CNTN1: variants seen among roughly 807,000 people sequenced by gnomAD.
The protein encoded by CNTN1 is contactin 1, also known as contactin-1.
A neutral mutation model predicts 126.4 loss-of-function variants in CNTN1; 38 were observed. The observed-to-expected ratio is 0.30, with a 90% CI of 0.23 to 0.39. The LOEUF is 0.39. Among genes scored for constraint, CNTN1 ranks in the 10% least tolerant of loss-of-function variants. CNTN1 has a pLI of 1.00. For missense variants in CNTN1, 1,009 were observed against 1,248.4 expected (o/e 0.81, Z 2.89); for synonymous variants, 413 against 422.6 (o/e 0.98, Z 0.28).
chr12:40,909,367 C>T (rs1013250570), intron 2 of CNTN1, among the ~76,000 whole-genome samples: 1 of 151,846 alleles, frequency 6.6e-6, no homozygotes, highest in Non-Finnish European at 1.5e-5. Context: ...ACTTATTGAG[C>T]TAGGTCATTA....
intron 15 of CNTN1, chr12:40,979,370 T>C (rs1336247446): frequency 6.6e-6 from 1 of 152,084 alleles, no homozygotes; most frequent in African/African-American, 2.4e-5. Context: ...GCCATACCTC[T>C]GCAAATACCA....
chr12:40,922,677 A>C, intron 5 of CNTN1, among the ~76,000 whole-genome samples: 1 of 152,120 alleles, frequency 6.6e-6, no homozygotes. Flanking sequence ...ATGACTCTTT[A>C]AAAGTTAGCA....
intron 17 of CNTN1, among the ~76,000 whole-genome samples, chr12:40,994,764 C>T (rs1445197838): frequency 6.6e-6 from 1 of 151,822 alleles, no homozygotes; most frequent in Non-Finnish European, 1.5e-5. Context: ...GATATGCTAA[C>T]ACAAAAAATT....
chr12:41,065,206 C>A (rs375438351), intron 23 of CNTN1, among the ~76,000 whole-genome samples: 6 of 152,294 alleles, frequency 3.9e-5, no homozygotes, highest in East Asian at 1.9e-4. Context: ...TAGGTGCCTG[C>A]CACCAAGCCC....
intron 1 of CNTN1, among the ~76,000 whole-genome samples, chr12:40,873,248 A>G (rs1354660833): frequency 1.3e-5 from 2 of 152,220 alleles, no homozygotes; most frequent in African/African-American, 2.4e-5. Context: ...TTTTACACAC[A>G]AATTGCAAGA....
At chr12:40,755,899 A>G (rs533895937) in intron 1 of CNTN1, among the ~76,000 whole-genome samples, 2 of 152,264 alleles carry the variant, frequency 1.3e-5, no homozygotes, top group East Asian at 3.9e-4. Flanking sequence ...AGAAGAGTTA[A>G]GTTTGAAATA....
chr12:40,809,389 G>T (rs1201445524), intron 1 of CNTN1, among the ~76,000 whole-genome samples: 1 of 152,118 alleles, frequency 6.6e-6, no homozygotes, highest in African/African-American at 2.4e-5. Context: ...TTCTCTGGGG[G>T]TTAGTTTGGG....
At chr12:41,007,342 G>A (rs1341231305) in intron 17 of CNTN1, among the ~76,000 whole-genome samples, 1 of 152,114 alleles carries the variant, frequency 6.6e-6, no homozygotes, top group Non-Finnish European at 1.5e-5. Flanking sequence ...TTACAGGCGT[G>A]AGCCACCGCG....
At chr12:41,041,227 G>T (rs1949397255) in intron 23 of CNTN1, among the ~76,000 whole-genome samples, 1 of 152,006 alleles carries the variant, frequency 6.6e-6, no homozygotes, top group African/African-American at 2.4e-5. Context: ...TTACTGATTT[G>T]CATATATTGA....
At chr12:40,867,677 A>C (rs1229016671) in intron 1 of CNTN1, among the ~76,000 whole-genome samples, 1 of 152,050 alleles carries the variant, frequency 6.6e-6, no homozygotes, top group Non-Finnish European at 1.5e-5. Flanking sequence ...AGGACAGATA[A>C]TTTTTGAAGT....
chr12:41,045,578 T>C (rs568210612), intron 23 of CNTN1, among the ~76,000 whole-genome samples: 2 of 152,262 alleles, frequency 1.3e-5, no homozygotes, highest in African/African-American at 4.8e-5. Flanking sequence ...GAAAGTGATA[T>C]GTCAACATAT....
chr12:40,888,309 C>T lies in CNTN1; in HGVS notation c.-76-20048C>T, dbSNP rs1404632798. 3.3e-5 allele frequency among the ~76,000 whole-genome samples: 5 copies of T among 152,192 alleles called. No homozygotes were observed. The East Asian group carries it at 9.6e-4, about 29-fold the overall frequency. ...TCAAAATAACTGTGATAGTGTTACC[C>T]ATTTCCTTATACGTGTACTTTATAT... On this transcript the variant is annotated intron_variant, in intron 1 of 23. Coordinates refer to ENST00000551295, the MANE Select transcript of CNTN1 (RefSeq NM_001843.4).
intron 1 of CNTN1, among the ~76,000 whole-genome samples, chr12:40,794,585 A>G (rs1940341001): frequency 6.6e-6 from 1 of 152,092 alleles, no homozygotes; most frequent in Non-Finnish European, 1.5e-5. Context: ...ATTAAACATT[A>G]TGGGGTTTTC....
At chr12:40,875,679 G>T (rs1356427865) in intron 1 of CNTN1, among the ~76,000 whole-genome samples, 2 of 151,980 alleles carry the variant, frequency 1.3e-5, no homozygotes, top group Admixed American at 6.6e-5. Context: ...CTAGGTTGTT[G>T]CATGTATAAA....
chr12:40,787,205 A>G (rs985817677), intron 1 of CNTN1, among the ~76,000 whole-genome samples: 9 of 152,112 alleles, frequency 5.9e-5, no homozygotes, highest in Non-Finnish European at 1.0e-4. Flanking sequence ...AAAAACCTTT[A>G]TCTTTATAAC....
intron 17 of CNTN1, among the ~76,000 whole-genome samples, chr12:41,010,510 G>A (rs1209712674): frequency 1.3e-5 from 2 of 152,012 alleles, no homozygotes; most frequent in African/African-American, 4.8e-5. Flanking sequence ...CCTCCTCCTG[G>A]TCCCTATTAT....
At chr12:40,846,421 T>C (rs1057450934) in intron 1 of CNTN1, among the ~76,000 whole-genome samples, 2 of 152,192 alleles carry the variant, frequency 1.3e-5, no homozygotes. Flanking sequence ...TGAGCCGAGA[T>C]TGCGCCACTG....
chr12:40,910,797 A>T (rs903003182), intron 3 of CNTN1, among the ~76,000 whole-genome samples: 2 of 152,254 alleles, frequency 1.3e-5, no homozygotes, highest in African/African-American at 4.8e-5. Context: ...AACTTCTAGC[A>T]TAATGACTGG....
chr12:41,051,898 ACACACACAC>A (rs1949693840), intron 23 of CNTN1, among the ~76,000 whole-genome samples: 1 of 27,444 alleles, frequency 3.6e-5, no homozygotes, highest in Non-Finnish European at 6.2e-5. Flanking sequence ...ACACAAACAC[ACACACACAC>A]ACACACACAC....
Sources: gnomAD v4.1 joint callset for allele counts (sites outside exome capture counted in the v4.1 genomes callset) on GRCh38, gnomAD v4.1.1 for gene constraint, MANE v1.5 for transcripts, NCBI Gene and HGNC (gene_info 2026-07-23, HGNC 2026-07-21) for gene names.